SCG3: variants seen among roughly 807,000 people sequenced by gnomAD.
SCG3 encodes the protein secretogranin III, also known as secretogranin-3.
A neutral mutation model predicts 56.2 loss-of-function variants in SCG3; 38 were observed. The observed-to-expected ratio is 0.68, with a 90% confidence interval of 0.52 to 0.89. The LOEUF (loss-of-function observed/expected upper bound fraction) is 0.89. Among genes scored for constraint, SCG3 ranks in the 40% least tolerant of loss-of-function variants. SCG3 has a pLI of 0.00. For synonymous variants in SCG3, 176 were observed against 184.2 expected (o/e 0.96, Z 0.36); for missense variants, 524 against 540.7 (o/e 0.97, Z 0.31).
chr15:51,702,320 G>A (rs981640923), intron 10 of SCG3, among the ~76,000 whole-genome samples: 4 of 152,086 alleles, frequency 2.6e-5, no homozygotes, highest in South Asian at 2.1e-4. Flanking sequence ...ACAGTGGCAC[G>A]ATCTCAGCTC....
At chr15:51,707,417 C>T (rs1180174871) in intron 10 of SCG3, among the ~76,000 whole-genome samples, 1 of 152,156 alleles carries the variant, frequency 6.6e-6, no homozygotes, top group Non-Finnish European at 1.5e-5. Context: ...CTAGAAATGT[C>T]CAAAAACAAT....
Position 51,692,140 on chromosome 15 carries a change from T to TAG in SCG3, c.691-19_691-18insAG, listed in dbSNP as rs1486173133. 1 of 1,575,082 alleles carries TAG rather than the reference T, an allele frequency of 6.3e-7. No individual in the cohort carries two copies. The highest frequency in any genetic ancestry group is 1.2e-5 in the South Asian group (1 of 85,552). ...TTCTAACAAAATGTTCATTTTTTAT[T>TAG]GATTTTTCCCCACTGGAGACTCCAA... On this transcript the variant is annotated intron_variant, in intron 6 of 11. Transcript: ENST00000220478.
intron 7 of SCG3, chr15:51,693,304 T>G (rs974979908): frequency 5.3e-5 from 8 of 152,254 alleles, no homozygotes; most frequent in Non-Finnish European, 1.0e-4. Flanking sequence ...CTTTTTATAT[T>G]ATTCAAGAGA....
At chr15:51,682,591 G>A in intron 2 of SCG3, 22 bp downstream of exon 2, 1 of 1,271,782 alleles carries the variant, frequency 7.9e-7, no homozygotes, top group Non-Finnish European at 1.1e-6. Flanking sequence ...GTAACATTAT[G>A]AATGCTATTT....
chr15:51,711,527 T>C (rs755795361), intron 10 of SCG3, among the ~76,000 whole-genome samples: 38 of 152,272 alleles, frequency 2.5e-4, no homozygotes, highest in Non-Finnish European at 4.6e-4. Context: ...TTAAACTCTT[T>C]AAAATAATGA....
chr15:51,709,037 C>T (rs1282987918), intron 10 of SCG3, among the ~76,000 whole-genome samples: 1 of 152,182 alleles, frequency 6.6e-6, no homozygotes, highest in Admixed American at 6.5e-5. Context: ...CTAATAAATA[C>T]ATACCCGAGA....
In SCG3 at chr15:51,689,301, A is replaced by C; in HGVS notation, c.623A>C (p.Tyr208Ser). 6.2e-7 allele frequency: 1 copy of C among 1,614,066 alleles called. No individual in the cohort carries two copies. Among genetic ancestry groups the C allele is most frequent in the Non-Finnish European group, 8.5e-7 (1 of 1,179,972 alleles). Residue 208 changes from tyrosine (Y) to serine (S), a missense_variant, in exon 6 of 12, where the codon TAT becomes TCT. Transcript: ENST00000220478. Reference sequence around the variant, plus strand: ...TTAATCTCAAAGGAAGCCAACAATTATGAGGAGGATCCCAATAAGCCCACA... The same window carrying C: ...TTAATCTCAAAGGAAGCCAACAATTCTGAGGAGGATCCCAATAAGCCCACA... ...QKLISKEANN[Y>S]EEDPNKPTSW... is the part of the protein sequence containing the mutation.
chr15:51,710,752 A>ATTTTTT (rs60536489), intron 10 of SCG3, among the ~76,000 whole-genome samples: 3 of 105,246 alleles, frequency 2.9e-5, no homozygotes, highest in Admixed American at 1.1e-4. Flanking sequence ...TGCCTGGCTA[A>ATTTTTT]TTTTTTTTTT....
At chr15:51,685,829 T>C (rs577199708) in intron 4 of SCG3, among the ~76,000 whole-genome samples, 2 of 152,352 alleles carry the variant, frequency 1.3e-5, no homozygotes, top group African/African-American at 4.8e-5. Flanking sequence ...TCCAAATTTC[T>C]CTTATAAAGT....
chr15:51,706,743 C>A (rs927215042), intron 10 of SCG3, among the ~76,000 whole-genome samples: 1 of 151,980 alleles, frequency 6.6e-6, no homozygotes, highest in Non-Finnish European at 1.5e-5. Context: ...TTACAAAGCA[C>A]GTTTCTATGA....
intron 4 of SCG3, among the ~76,000 whole-genome samples, chr15:51,685,519 A>G (rs1282093835): frequency 1.3e-5 from 2 of 152,222 alleles, no homozygotes; most frequent in East Asian, 3.8e-4. Context: ...TATTAACTCC[A>G]CTTGAGATCA....
At chr15:51,699,471 T>G (rs1159058577) in intron 9 of SCG3, 69 bp downstream of exon 9, 1 of 969,382 alleles carries the variant, frequency 1.0e-6, no homozygotes, top group Non-Finnish European at 1.6e-6. Context: ...TAATGAACTT[T>G]AATAAACATT....
In SCG3 at chr15:51,692,386, G is replaced by C. The variant is rs188963046; in HGVS notation, c.868+50G>C. ...TGTGGAACAGAAAGAGTGATTCCAG[G>C]AAATGTATGGGTGTGTTCTTTTCTT... is the stretch of plus-strand genomic sequence containing the variant. On this transcript the variant is annotated intron_variant, in intron 7 of 11. Transcript: ENST00000220478. 6.6e-4 allele frequency: 991 copies of C among 1,499,844 alleles called. 7 individuals are homozygous for C. The African/African-American group carries it at 0.011, about 17-fold the overall frequency. 92.9% of individuals were successfully genotyped at this position (1,499,844 alleles called of 1,614,324 possible).
chr15:51,708,821 T>C (rs1595839185), intron 10 of SCG3, among the ~76,000 whole-genome samples: 1 of 151,474 alleles, frequency 6.6e-6, no homozygotes, highest in Non-Finnish European at 1.5e-5. Flanking sequence ...ACTGCACCAC[T>C]GCACTCCAGC....
rs757230237 is a variant in SCG3 at position 51,692,195 on chromosome 15, G to A, written c.727G>A (p.Gly243Arg). The A allele has an allele frequency of 1.9e-6, 3 of 1,613,386 alleles. No individual in the cohort carries two copies. The highest frequency in any genetic ancestry group is 2.5e-6 in the Non-Finnish European group (3 of 1,179,630). The change falls in exon 7 of 12, where the codon GGA becomes AGA. Residue 243 changes from glycine (G) to arginine (R), a missense_variant. Gly to Arg is a moderately radical substitution (Grantham distance 125). Transcript: ENST00000220478. ...MAAIQDGLAK[G>R]ENDETVSNTL... is the part of the protein sequence containing the mutation. ...AGCAATTCAAGATGGTCTTGCTAAG[G>A]GAGAAAACGATGAAACAGTATCTAA...
intron 10 of SCG3, among the ~76,000 whole-genome samples, chr15:51,705,389 A>C (rs1380783417): frequency 6.6e-6 from 1 of 152,212 alleles, no homozygotes; most frequent in African/African-American, 2.4e-5. Flanking sequence ...GTAGTCCACT[A>C]TTGCCTATTT....
chr15:51,696,906 G>A (rs561821496), intron 8 of SCG3, among the ~76,000 whole-genome samples: 3 of 152,170 alleles, frequency 2.0e-5, no homozygotes, highest in African/African-American at 7.2e-5. Flanking sequence ...TAGTGTTGGG[G>A]GAACAAATAT....
At chr15:51,684,867 T>C (rs1372127258) in intron 4 of SCG3, among the ~76,000 whole-genome samples, 3 of 152,224 alleles carry the variant, frequency 2.0e-5, no homozygotes, top group African/African-American at 7.2e-5. Flanking sequence ...TATGAATGAA[T>C]GAATGAATGA....
chr15:51,713,618 C>T (rs1285077430), intron 11 of SCG3, among the ~76,000 whole-genome samples: 1 of 152,188 alleles, frequency 6.6e-6, no homozygotes, highest in Non-Finnish European at 1.5e-5. Context: ...AAGGCGTTTT[C>T]TTTTCTTTTA....
Sources: gnomAD v4.1 joint callset for allele counts (sites outside exome capture counted in the v4.1 genomes callset) on GRCh38, gnomAD v4.1.1 for gene constraint, MANE v1.5 for transcripts, NCBI Gene and HGNC (gene_info 2026-07-23, HGNC 2026-07-21) for gene names.